NLN: variants seen among roughly 807,000 people sequenced by gnomAD.
NLN encodes the protein neurolysin, mitochondrial.
A neutral mutation model predicts 79.9 loss-of-function variants in NLN; 64 were observed. That is an observed-to-expected ratio of 0.80 (90% CI 0.65 to 0.99). NLN has a LOEUF of 0.99. NLN is among the 50% of genes least tolerant of loss of function. The pLI is 0.00. For synonymous variants in NLN, 267 were observed against 296.6 expected (o/e 0.90, Z 1.02); for missense variants, 835 against 858.7 (o/e 0.97, Z 0.34).
intron 1 of NLN, chr5:65,733,392 G>T: frequency 6.8e-7 from 1 of 1,470,244 alleles, no homozygotes; most frequent in South Asian, 1.2e-5. Flanking sequence ...TCATGGAAAC[G>T]AGACCTCCAT....
intron 3 of NLN, among the ~76,000 whole-genome samples, chr5:65,774,883 C>G (rs929747321): frequency 6.6e-6 from 1 of 151,890 alleles, no homozygotes; most frequent in Non-Finnish European, 1.5e-5. Context: ...TGCCACCACA[C>G]CCGGCTGATT....
At chr5:65,807,659 C>T (rs774015968) in intron 9 of NLN, among the ~76,000 whole-genome samples, 20 of 152,166 alleles carry the variant, frequency 1.3e-4, no homozygotes, top group South Asian at 8.3e-4. Context: ...CAGGCTGGCT[C>T]GAACTCCTGA....
At chr5:65,731,538 A>G (rs1758608298) in intron 1 of NLN, among the ~76,000 whole-genome samples, 1 of 152,112 alleles carries the variant, frequency 6.6e-6, no homozygotes, top group African/African-American at 2.4e-5. Flanking sequence ...AGCCCCTCAT[A>G]GATGTTTCAG....
chr5:65,786,026 G>A, intron 7 of NLN, 116 bp downstream of exon 7: 1 of 890,840 alleles, frequency 1.1e-6, no homozygotes, highest in Admixed American at 2.6e-5. Context: ...TTTGAGAGAA[G>A]TATATTGATC....
At position 65,763,019 on chromosome 5, in the gene NLN, G is replaced by C; in HGVS notation, c.361G>C (p.Ala121Pro). The C allele has an allele frequency of 3.1e-6, 5 of 1,613,922 alleles. No homozygotes were observed. The highest frequency in any genetic ancestry group is 4.2e-6 in the Non-Finnish European group (5 of 1,179,872). Residue 121 changes from alanine (A) to proline (P), a missense_variant, in exon 3 of 13, where the codon GCA becomes CCA. Ala to Pro is a conservative substitution (Grantham distance 27, BLOSUM62 -1). Coordinates refer to ENST00000380985, the MANE Select transcript of NLN (RefSeq NM_020726.5). ...HVSSDKEVRA[A>P]STEADKRLSR... is the part of the protein sequence containing the mutation. ...ATCCTCTGACAAAGAAGTACGAGCA[G>C]CAAGTACAGAAGCAGACAAAAGACT...
intron 1 of NLN, among the ~76,000 whole-genome samples, chr5:65,752,060 G>T (rs1344069485): frequency 6.6e-6 from 1 of 151,956 alleles, no homozygotes; most frequent in Admixed American, 6.6e-5. Context: ...GGCAACATGG[G>T]AAAACCACAT....
In NLN at chr5:65,731,652, C is replaced by T. The variant is rs560143616; in HGVS notation, c.41+9238C>T. ...TTTTTATACAGTCAGAAATATCAGTCTTTTCCTTTATGATTTCTGCCTTTG... is the reference window on the plus strand; with the variant it reads ...TTTTTATACAGTCAGAAATATCAGTTTTTTCCTTTATGATTTCTGCCTTTG... On this transcript the variant is annotated intron_variant, in intron 1 of 12. Coordinates refer to ENST00000380985, the MANE Select transcript of NLN (RefSeq NM_020726.5). Among the ~76,000 whole-genome samples, 45 of 148,642 alleles carry T rather than the reference C, an allele frequency of 3.0e-4. No homozygotes were observed. The South Asian group carries it at 8.1e-3, about 27-fold the overall frequency.
At chr5:65,743,153 C>G (rs1233774286) in intron 1 of NLN, among the ~76,000 whole-genome samples, 2 of 150,734 alleles carry the variant, frequency 1.3e-5, no homozygotes, top group Non-Finnish European at 3.0e-5. Flanking sequence ...GATCAGTCAG[C>G]CTTGCTGGTA....
chr5:65,780,055 A>C lies in NLN; in HGVS notation c.559-124A>C, dbSNP rs559422504. 6.8e-5 allele frequency: 39 copies of C among 575,692 alleles called. No individual in the cohort carries two copies. In the South Asian group the frequency reaches 8.5e-4, roughly 13 times the overall value. The allele number at this position is 575,692 out of a possible 1,614,324, so 35.7% of individuals were successfully genotyped here. A position where few individuals can be genotyped will look rare whatever the true frequency, so the allele number is the denominator to read the frequency against. On this transcript the variant is annotated intron_variant, in intron 4 of 12. Coordinates refer to ENST00000380985, the MANE Select transcript of NLN (RefSeq NM_020726.5). ...TAGCCAGGCTGGTCTTGGACTCTTGACCTCAAATGATCCACCCACCTTAGC... is the reference window on the plus strand; with the variant it reads ...TAGCCAGGCTGGTCTTGGACTCTTGCCCTCAAATGATCCACCCACCTTAGC...
intron 1 of NLN, among the ~76,000 whole-genome samples, chr5:65,727,797 C>T (rs1051685121): frequency 6.6e-6 from 1 of 152,144 alleles, no homozygotes; most frequent in Non-Finnish European, 1.5e-5. Context: ...GAGACAGTCT[C>T]GCTCTGTTGC....
intron 5 of NLN, 129 bp from the exon 6 acceptor site, chr5:65,781,132 T>C: frequency 1.6e-6 from 1 of 621,420 alleles, no homozygotes; most frequent in East Asian, 2.8e-5. Flanking sequence ...ATTTAAAGGA[T>C]TGTCATTATT....
At chr5:65,778,623 G>A (rs1029124766) in intron 4 of NLN, among the ~76,000 whole-genome samples, 6 of 152,152 alleles carry the variant, frequency 3.9e-5, no homozygotes, top group African/African-American at 1.2e-4. Context: ...CTGTTTAAAC[G>A]AGAGATTTAT....
chr5:65,729,090 C>T (rs531169572), intron 1 of NLN, among the ~76,000 whole-genome samples: 49 of 152,268 alleles, frequency 3.2e-4, no homozygotes, highest in African/African-American at 1.1e-3. Flanking sequence ...GTGATCTGCC[C>T]GCCTCAACCT....
chr5:65,809,409 A>G (rs886377431), intron 9 of NLN, 106 bp from the exon 10 acceptor site: 4 of 859,694 alleles, frequency 4.7e-6, no homozygotes, highest in African/African-American at 3.4e-5. Context: ...TCAGAGGAAC[A>G]GTTGAGTCTG....
intron 12 of NLN, among the ~76,000 whole-genome samples, chr5:65,820,333 T>C (rs1256926893): frequency 6.6e-6 from 1 of 152,234 alleles, no homozygotes; most frequent in Non-Finnish European, 1.5e-5. Context: ...TGAGACTGGA[T>C]GATAGGTTTG....
At chr5:65,810,255 A>G (rs1760515629) in intron 11 of NLN, 90 bp downstream of exon 11, 2 of 1,109,910 alleles carry the variant, frequency 1.8e-6, no homozygotes, top group African/African-American at 3.1e-5. Context: ...TGTCAGACAG[A>G]TTACCTAATT....
intron 4 of NLN, among the ~76,000 whole-genome samples, chr5:65,779,831 A>C (rs1759760127): frequency 6.6e-6 from 1 of 152,232 alleles, no homozygotes; most frequent in Non-Finnish European, 1.5e-5. Context: ...ACATCTCTAC[A>C]GAAGTACTTC....
chr5:65,804,173 G>A (rs764984329), intron 9 of NLN, among the ~76,000 whole-genome samples: 17 of 152,112 alleles, frequency 1.1e-4, no homozygotes, highest in Non-Finnish European at 1.8e-4. Context: ...TCTAAGATAC[G>A]GAGACAGTTA....
chr5:65,797,334 G>A (rs996954741), intron 9 of NLN, among the ~76,000 whole-genome samples: 5 of 152,202 alleles, frequency 3.3e-5, no homozygotes, highest in African/African-American at 1.2e-4. Context: ...AACGTGAAAG[G>A]GATGGGCAGA....
Sources: allele counts gnomAD v4.1 joint callset (sites outside exome capture counted in the v4.1 genomes callset), GRCh38; gene constraint gnomAD v4.1.1; transcripts MANE v1.5; gene names NCBI Gene and HGNC (gene_info 2026-07-23, HGNC 2026-07-21).